PCLO: variants seen among roughly 807,000 people sequenced by gnomAD.
The protein encoded by PCLO is protein piccolo.
In PCLO, 82 loss-of-function variants were observed where a neutral mutation model predicts 427.5. The observed-to-expected ratio is 0.19, with a 90% confidence interval of 0.16 to 0.23. The LOEUF is 0.23. Among genes scored for constraint, PCLO ranks in the 10% least tolerant of loss-of-function variants. The pLI is 1.00. For synonymous variants in PCLO, 2,357 were observed against 2,155.4 expected, an observed-to-expected ratio of 1.09 and a Z score of -2.59; for missense variants, 6,239 against 6,115.9, an observed-to-expected ratio of 1.02 and a Z score of -0.67.
intron 9 of PCLO, among the ~76,000 whole-genome samples, chr7:82,890,820 G>A (rs947886039): frequency 1.3e-5 from 2 of 151,854 alleles, no homozygotes; most frequent in African/African-American, 4.8e-5. Flanking sequence ...AAGGAAAAAA[G>A]AGGAGAATAT....
rs552599553 is a variant in PCLO, at chr7:82,793,942, C to T, written c.15007+7576G>A. Among the ~76,000 whole-genome samples, 17 of 152,204 alleles carry T rather than the reference C, an allele frequency of 1.1e-4. 1 individual carries two copies. The highest frequency in any genetic ancestry group is 4.1e-4 in the African/African-American group (17 of 41,530). ...TGGAAAGTAAAATGTTTGTACTTAG[C>T]CTTCTCAAAAATCATTTCCTTTTAC... On this transcript the variant is annotated intron_variant, in intron 22 of 24. Coordinates refer to ENST00000333891, the MANE Select transcript of PCLO (RefSeq NM_033026.6).
chr7:82,987,618 A>T (rs944839172), intron 3 of PCLO, among the ~76,000 whole-genome samples: 10 of 152,096 alleles, frequency 6.6e-5, no homozygotes, highest in Admixed American at 5.2e-4. Flanking sequence ...GTAGCCAAAC[A>T]TACAGATAAA....
At chr7:82,830,069 A>AAACTTGT (rs1392643032) in intron 16 of PCLO, among the ~76,000 whole-genome samples, 2 of 151,950 alleles carry the variant, frequency 1.3e-5, no homozygotes, top group Admixed American at 1.3e-4. Context: ...TATCGTAAGA[A>AAACTTGT]AACTTGTAAA....
Position 82,954,186 on chromosome 7 carries a change from C to G in PCLO, c.6767G>C (p.Arg2256Thr). ...AATAACAATATGATCAGCACTAGCT[C>G]TACCATCTGGTGGGGCAGTCCGATC... is the stretch of plus-strand genomic sequence containing the variant. ...SLDRTAPPDG[R>T]ASADHIVISL... The change falls in exon 5 of 25, where the codon AGA becomes ACA. Residue 2256 changes from arginine to threonine, a missense_variant. Physicochemically the swap from Arg to Thr is moderately conservative, Grantham distance 71 (BLOSUM62 -1). Around this residue, in one of 5 missense-constraint regions of PCLO, gnomAD observed 4,677 missense variants for 4,468.4 expected, o/e 1.05. Coordinates refer to ENST00000333891, the MANE Select transcript of PCLO (RefSeq NM_033026.6). The G allele has an allele frequency of 6.2e-7, 1 of 1,613,614 alleles. No individual in the cohort carries two copies. Among genetic ancestry groups the G allele is most frequent in the Non-Finnish European group, 8.5e-7 (1 of 1,179,618 alleles).
At chr7:83,036,068 C>T (rs1163827171) in intron 3 of PCLO, among the ~76,000 whole-genome samples, 2 of 152,166 alleles carry the variant, frequency 1.3e-5, no homozygotes, top group African/African-American at 2.4e-5. Context: ...TTATTTGGGA[C>T]TCAGGTTCTG....
chr7:82,846,917 T>A (rs1792517279), intron 11 of PCLO, among the ~76,000 whole-genome samples: 1 of 152,170 alleles, frequency 6.6e-6, no homozygotes, highest in Admixed American at 6.5e-5. Context: ...AGGCTTTCAT[T>A]TAAATGAAGC....
intron 3 of PCLO, among the ~76,000 whole-genome samples, chr7:83,032,712 C>G (rs988557355): frequency 6.6e-6 from 1 of 152,122 alleles, no homozygotes; most frequent in Non-Finnish European, 1.5e-5. Flanking sequence ...CAAAATCACC[C>G]AGTCATAAAA....
chr7:83,070,530 G>A (rs1056064340), intron 3 of PCLO, among the ~76,000 whole-genome samples: 8 of 151,982 alleles, frequency 5.3e-5, no homozygotes, highest in African/African-American at 1.9e-4. Context: ...TGCGACTACA[G>A]GTGCTGCCAC....
At chr7:82,985,178 G>A (rs867729871) in intron 3 of PCLO, among the ~76,000 whole-genome samples, 5 of 151,946 alleles carry the variant, frequency 3.3e-5, no homozygotes, top group South Asian at 2.1e-4. Flanking sequence ...TGATGGTATA[G>A]TGCCAAAGCT....
intron 10 of PCLO, among the ~76,000 whole-genome samples, chr7:82,856,363 G>A (rs980428241): frequency 2.0e-5 from 3 of 152,132 alleles, no homozygotes; most frequent in Non-Finnish European, 4.4e-5. Context: ...GGACCAACCT[G>A]TTAGAAGATT....
At chr7:82,807,732 G>C (rs1425454241) in intron 20 of PCLO, among the ~76,000 whole-genome samples, 1 of 151,928 alleles carries the variant, frequency 6.6e-6, no homozygotes, top group East Asian at 1.9e-4. Flanking sequence ...TTAATAGTTA[G>C]TCAATTGTAT....
At chr7:83,025,524 C>T (rs1273828663) in intron 3 of PCLO, among the ~76,000 whole-genome samples, 2 of 152,046 alleles carry the variant, frequency 1.3e-5, no homozygotes, top group African/African-American at 4.8e-5. Context: ...AGTTGGAAAA[C>T]ACTCTGCAGG....
rs1255389733 is a variant in PCLO, at chr7:83,134,470, G to A, written c.3080C>T (p.Pro1027Leu). 1.2e-6 allele frequency: 2 copies of A among 1,613,416 alleles called. No individual in the cohort carries two copies. The highest frequency in any genetic ancestry group is 1.7e-6 in the Non-Finnish European group (2 of 1,179,764). Residue 1027 changes from proline (P) to leucine (L), a missense_variant, in exon 3 of 25, where the codon CCA becomes CTA. Pro to Leu is a moderately conservative substitution (Grantham distance 98, BLOSUM62 -3). This residue lies in a region of PCLO where 4,677 missense variants were observed against 4,468.4 expected (regional missense o/e 1.05). Coordinates refer to ENST00000333891, the MANE Select transcript of PCLO (RefSeq NM_033026.6). ...TVKRTETEKK[P>L]PPIKDSKSLT... is the part of the protein sequence containing the mutation. Reference sequence around the variant, plus strand: ...AGATTTGCTATCCTTAATAGGTGGTGGCTTTTTTTCTGTTTCTGTTCTTTT... The same window carrying A: ...AGATTTGCTATCCTTAATAGGTGGTAGCTTTTTTTCTGTTTCTGTTCTTTT...
rs562766635 is a variant in PCLO at position 82,840,045 on chromosome 7, C to G, written c.14097+1414G>C. 9.9e-5 allele frequency among the ~76,000 whole-genome samples: 15 copies of G among 151,692 alleles called. No individual in the cohort carries two copies. The South Asian group carries it at 2.9e-3, about 29-fold the overall frequency. On this transcript the variant is annotated intron_variant, in intron 14 of 24. Coordinates refer to ENST00000333891, the MANE Select transcript of PCLO (RefSeq NM_033026.6). ...AAAATAAAATTAGAAAAAACAACAA[C>G]AATAAAAACAAAAAACACAGTCCAA...
rs1290316937 is a variant in PCLO at position 82,951,338 on chromosome 7, A to G, written c.9250T>C (p.Ser3084Pro). The G allele has an allele frequency of 6.2e-7, 1 of 1,609,656 alleles. No homozygotes were observed. The highest frequency in any genetic ancestry group is 8.5e-7 in the Non-Finnish European group (1 of 1,177,954). ...PQYCVGSVLR[S>P]SNGVVYSSVA... ...GAAGAATAGACAACACCATTAGATG[A>G]CCTCAAAACACTCCCCACACAATAC... is the stretch of plus-strand genomic sequence containing the variant. Residue 3084 changes from serine (S) to proline (P), a missense_variant, in exon 6 of 25, where the codon TCA (serine) becomes CCA (proline). Ser to Pro is a moderately conservative substitution (Grantham distance 74, BLOSUM62 -1). This residue lies in a region of PCLO where 4,677 missense variants were observed against 4,468.4 expected (regional missense o/e 1.05). Coordinates refer to ENST00000333891, the MANE Select transcript of PCLO (RefSeq NM_033026.6).
At chr7:82,836,158 A>C (rs758772742) in intron 15 of PCLO, among the ~76,000 whole-genome samples, 1 of 152,146 alleles carries the variant, frequency 6.6e-6, no homozygotes, top group African/African-American at 2.4e-5. Context: ...TAACATTCTA[A>C]TTGACACATA....
intron 10 of PCLO, among the ~76,000 whole-genome samples, chr7:82,867,831 A>T (rs564862576): frequency 6.6e-6 from 1 of 152,302 alleles, no homozygotes; most frequent in East Asian, 1.9e-4. Context: ...ATTTCAAAAT[A>T]AATGGATAAA....
chr7:82,937,091 C>T (rs1794973454), intron 6 of PCLO, among the ~76,000 whole-genome samples: 1 of 151,594 alleles, frequency 6.6e-6, no homozygotes, highest in Non-Finnish European at 1.5e-5. Flanking sequence ...GATTGTACAA[C>T]ATTAAAATAT....
At chr7:82,760,943 CTTTTTTTTTTTTTTTT>C (rs767222339) in intron 23 of PCLO, among the ~76,000 whole-genome samples, 159 bp from the exon 24 acceptor site, 1 of 60,370 alleles carries the variant, frequency 1.7e-5, no homozygotes, top group African/African-American at 6.5e-5. Context: ...AAAGATATGT[CTTTTTTTTTTTTTTTT>C]TTTTTTTTTT....
Sources: gnomAD v4.1 joint callset for allele counts (sites outside exome capture counted in the v4.1 genomes callset) on GRCh38, gnomAD v4.1.1 for gene constraint, gnomAD v4.1.1 regional missense constraint, MANE v1.5 for transcripts, NCBI Gene and HGNC (gene_info 2026-07-23, HGNC 2026-07-21) for gene names.